The following ADAMTSL1 variants were observed in gnomAD, a reference collection of about 807,000 sequenced individuals.
The protein encoded by ADAMTSL1 is ADAMTS-like protein 1.
A neutral mutation model predicts 201.8 loss-of-function variants in ADAMTSL1; 126 were observed. The ratio of observed to expected loss-of-function variants is 0.62; its 90% CI spans 0.54 to 0.72. The LOEUF (loss-of-function observed/expected upper bound fraction) is 0.72, where lower values mean the gene tolerates loss of function less well. Among genes scored for constraint, ADAMTSL1 ranks in the 30% least tolerant of loss-of-function variants. The probability of loss-of-function intolerance (pLI) is 0.00; values close to 1 mark genes in which losing one functional copy is unlikely to be tolerated. For synonymous variants in ADAMTSL1, 1,121 were observed against 903.4 expected (o/e 1.24, Z -4.32); for missense variants, 2,679 against 2,277.8 (o/e 1.18, Z -3.59).
At chr9:18,587,244 A>G (rs1335484162) in intron 4 of ADAMTSL1, among the ~76,000 whole-genome samples, 1 of 152,082 alleles carries the variant, frequency 6.6e-6, no homozygotes, top group Non-Finnish European at 1.5e-5. Flanking sequence ...GAACTTAAAC[A>G]AGTTTATAAA....
intron 2 of ADAMTSL1, among the ~76,000 whole-genome samples, chr9:18,464,320 A>G (rs1820919298): frequency 6.6e-6 from 1 of 152,216 alleles, no homozygotes; most frequent in South Asian, 2.1e-4. Context: ...TGAAGAGAAA[A>G]TTATTTCAGC....
chr9:18,733,162 G>A (rs538093542), intron 15 of ADAMTSL1, among the ~76,000 whole-genome samples: 7 of 152,126 alleles, frequency 4.6e-5, no homozygotes, highest in East Asian at 1.9e-4. Flanking sequence ...TGCTGTAACC[G>A]TGGGAATGAC....
At chr9:18,882,390 G>T (rs917981452) in intron 23 of ADAMTSL1, among the ~76,000 whole-genome samples, 3 of 152,134 alleles carry the variant, frequency 2.0e-5, no homozygotes, top group African/African-American at 7.2e-5. Flanking sequence ...GCCTATTTCA[G>T]TCAGGCTAAA....
At chr9:17,999,344 T>G (rs1262864468) in intron 1 of ADAMTSL1, among the ~76,000 whole-genome samples, 1 of 152,086 alleles carries the variant, frequency 6.6e-6, no homozygotes, top group Admixed American at 6.6e-5. Flanking sequence ...CTGATCTCTG[T>G]AGGATCTAGT....
intron 3 of ADAMTSL1, among the ~76,000 whole-genome samples, chr9:18,540,741 G>A (rs991978281): frequency 3.3e-5 from 5 of 152,060 alleles, no homozygotes; most frequent in Non-Finnish European, 7.4e-5. Flanking sequence ...TCCCAGGCCC[G>A]GTCTGCCAGT....
At chr9:18,649,968 T>C (rs959696274) in intron 7 of ADAMTSL1, among the ~76,000 whole-genome samples, 1 of 152,180 alleles carries the variant, frequency 6.6e-6, no homozygotes, top group Admixed American at 6.5e-5. Flanking sequence ...GCTGTCTTTT[T>C]GTTTGTCTGT....
At chr9:18,470,060 T>C (rs1252929930), upstream of ADAMTSL1, among the ~76,000 whole-genome samples, 1 of 152,206 alleles carries the variant, frequency 6.6e-6, no homozygotes, top group Non-Finnish European at 1.5e-5. Flanking sequence ...TCAGTGTATG[T>C]AGCTATTTTC....
chr9:18,413,229 ATCTTGGCTTGCTGC>A (rs1489281598), intron 2 of ADAMTSL1, among the ~76,000 whole-genome samples: 15 of 149,412 alleles, frequency 1.0e-4, no homozygotes, highest in African/African-American at 3.2e-4. Context: ...GCTTGCTGCA[ATCTTGGCTTGCTGC>A]AACCTTCGCC....
chr9:18,346,762 A>G (rs562785661), intron 2 of ADAMTSL1, among the ~76,000 whole-genome samples: 3 of 152,292 alleles, frequency 2.0e-5, no homozygotes, highest in East Asian at 3.9e-4. Context: ...AATTAACAAG[A>G]AAACAGAGGA....
chr9:18,524,232 C>T (rs2132048701), intron 2 of ADAMTSL1, among the ~76,000 whole-genome samples: 1 of 152,288 alleles, frequency 6.6e-6, no homozygotes, highest in Non-Finnish European at 1.5e-5. Context: ...CATGATTTGG[C>T]TCTCTGTTTG....
At chr9:18,816,720 C>CTTTTTTTTTTTT (rs751791974) in intron 20 of ADAMTSL1, among the ~76,000 whole-genome samples, 4 of 39,720 alleles carry the variant, frequency 1.0e-4, no homozygotes, top group Non-Finnish European at 8.9e-5. Flanking sequence ...AACCCTTGGT[C>CTTTTTTTTTTTT]TTTTTTTTTT....
At chr9:18,656,952 C>T (rs1218765157) in intron 7 of ADAMTSL1, among the ~76,000 whole-genome samples, 1 of 151,700 alleles carries the variant, frequency 6.6e-6, no homozygotes, top group Non-Finnish European at 1.5e-5. Flanking sequence ...AAAGAAATTG[C>T]AATTTCCATT....
At chr9:18,710,666 G>GT (rs1425680179) in intron 14 of ADAMTSL1, among the ~76,000 whole-genome samples, 3 of 92,616 alleles carry the variant, frequency 3.2e-5, no homozygotes, top group Non-Finnish European at 6.6e-5. Flanking sequence ...CCTAAGTTTT[G>GT]TTTTGTTTTT....
At chr9:18,132,182 C>A (rs1445768252) in intron 1 of ADAMTSL1, among the ~76,000 whole-genome samples, 1 of 152,140 alleles carries the variant, frequency 6.6e-6, no homozygotes, top group Admixed American at 6.5e-5. Context: ...TCCAAAAGTG[C>A]TGTCCCCGGG....
intron 26 of ADAMTSL1, among the ~76,000 whole-genome samples, chr9:18,892,924 G>A (rs1026489249): frequency 9.9e-5 from 15 of 151,680 alleles, no homozygotes; most frequent in African/African-American, 2.9e-4. Context: ...AACAATCACC[G>A]GCGACTTTCT....
chr9:18,163,371 T>A (rs1221565649), intron 1 of ADAMTSL1, among the ~76,000 whole-genome samples: 1 of 151,996 alleles, frequency 6.6e-6, no homozygotes, highest in Non-Finnish European at 1.5e-5. Flanking sequence ...CTAAAGTACA[T>A]CTGGTTCTAA....
At chr9:18,513,574 A>G (rs919792511) in intron 2 of ADAMTSL1, among the ~76,000 whole-genome samples, 4 of 152,182 alleles carry the variant, frequency 2.6e-5, no homozygotes, top group African/African-American at 4.8e-5. Context: ...TGCCAAATCA[A>G]TATTAGGAAG....
At chr9:17,985,446 A>G (rs1443946730) in intron 1 of ADAMTSL1, among the ~76,000 whole-genome samples, 1 of 152,152 alleles carries the variant, frequency 6.6e-6, no homozygotes, top group African/African-American at 2.4e-5. Flanking sequence ...GGCAGATTTA[A>G]CCACAAGGAA....
At chr9:18,142,694 C>G (rs568929001) in intron 1 of ADAMTSL1, among the ~76,000 whole-genome samples, 1 of 152,276 alleles carries the variant, frequency 6.6e-6, no homozygotes, top group Non-Finnish European at 1.5e-5. Context: ...TCACAGTATG[C>G]TGGCTCTCTA....
Sources: allele counts gnomAD v4.1 joint callset (sites outside exome capture counted in the v4.1 genomes callset), GRCh38; gene constraint gnomAD v4.1.1; transcripts MANE v1.5; gene names NCBI Gene and HGNC (gene_info 2026-07-23, HGNC 2026-07-21).